SCOC: variants seen among roughly 807,000 people sequenced by gnomAD.
The protein encoded by SCOC is short coiled-coil protein, also known as short coiled coil protein.
In SCOC, 7 loss-of-function variants were observed where a neutral mutation model predicts 9.9. That is an observed-to-expected ratio of 0.71 (90% CI 0.40 to 1.33). The LOEUF is 1.33. SCOC is among the 40% of genes most tolerant of loss of function. SCOC has a pLI of 0.01. For missense variants in SCOC, 66 were observed against 89.7 expected, an observed-to-expected ratio of 0.74 and a Z score of 1.07; for synonymous variants, 19 against 28.2, an observed-to-expected ratio of 0.67 and a Z score of 1.03.
chr4:140,297,272 G>GGA (rs1560689004), intron 1 of SCOC, among the ~76,000 whole-genome samples: 1 of 117,212 alleles, frequency 8.5e-6, no homozygotes, highest in African/African-American at 4.0e-5. Context: ...GTGACTGTGG[G>GGA]GGGGGGGGCA....
chr4:140,299,672 C>T (rs191222152), intron 1 of SCOC, among the ~76,000 whole-genome samples: 14 of 152,220 alleles, frequency 9.2e-5, no homozygotes, highest in African/African-American at 2.2e-4. Flanking sequence ...AGAATTGTAA[C>T]GTCGTTTGTC....
chr4:140,296,458 G>T (rs1201909871), intron 1 of SCOC, among the ~76,000 whole-genome samples: 2 of 152,152 alleles, frequency 1.3e-5, no homozygotes, highest in Non-Finnish European at 2.9e-5. Context: ...CGCCGTGCAT[G>T]ATTTATTTCC....
At chr4:140,326,591 T>C (rs1732653301) in intron 1 of SCOC, among the ~76,000 whole-genome samples, 2 of 152,154 alleles carry the variant, frequency 1.3e-5, no homozygotes, top group Admixed American at 1.3e-4. Flanking sequence ...TTTGTCTCCC[T>C]CTGTAGGCCC....
At chr4:140,333,986 T>C (rs889346334) in intron 1 of SCOC, among the ~76,000 whole-genome samples, 1 of 152,170 alleles carries the variant, frequency 6.6e-6, no homozygotes, top group Admixed American at 6.5e-5. Flanking sequence ...GGTGTGATCA[T>C]AGCTCACTGC....
chr4:140,262,963 C>G (rs776491764), intron 1 of SCOC, among the ~76,000 whole-genome samples: 2 of 152,058 alleles, frequency 1.3e-5, no homozygotes, highest in African/African-American at 2.4e-5. Flanking sequence ...CCTGCCAGGC[C>G]CCCCCTCCAA....
chr4:140,357,075 T>C (rs1727263008), intron 2 of SCOC, among the ~76,000 whole-genome samples: 1 of 152,124 alleles, frequency 6.6e-6, no homozygotes, highest in Non-Finnish European at 1.5e-5. Context: ...GTTCAAGCGA[T>C]TTTCCTGCCT....
chr4:140,384,327 T>C lies in SCOC; in HGVS notation c.*3223T>C, dbSNP rs946041891. On this transcript the variant is annotated 3_prime_UTR_variant, in exon 4 of 4. Transcript: ENST00000608372. ...CAGGATAATTTCTTCATTAGAAATA[T>C]AGGTGGTACACAGTGTGCACAGGGA... is the stretch of plus-strand genomic sequence containing the variant. The C allele has an allele frequency of 6.6e-6, 1 of 152,228 alleles. No individual in the cohort carries two copies. Among genetic ancestry groups the C allele is most frequent in the Non-Finnish European group, 1.5e-5 (1 of 68,044 alleles). 9.4% of individuals were successfully genotyped at this position (152,228 alleles called of 1,614,324 possible).
At chr4:140,311,297 A>G (rs1343878379) in intron 1 of SCOC, among the ~76,000 whole-genome samples, 1 of 152,174 alleles carries the variant, frequency 6.6e-6, no homozygotes, top group Non-Finnish European at 1.5e-5. Context: ...GTTTCTCAGT[A>G]GCACTTGTGA....
chr4:140,364,979 TAGAG>T (rs757554714), intron 2 of SCOC, among the ~76,000 whole-genome samples: 7 of 152,050 alleles, frequency 4.6e-5, no homozygotes, highest in East Asian at 1.9e-4. Context: ...AGAATTCTGA[TAGAG>T]AGAGCATCAT....
chr4:140,381,145 A>C lies in SCOC; in HGVS notation c.*41A>C. 2 of 1,539,386 alleles carry C rather than the reference A, an allele frequency of 1.3e-6. No individual in the cohort carries two copies. The highest frequency in any genetic ancestry group is 1.7e-6 in the Non-Finnish European group (2 of 1,153,370). On this transcript the variant is annotated 3_prime_UTR_variant, in exon 4 of 4. Coordinates refer to ENST00000608372, the MANE Select transcript of SCOC (RefSeq NM_001153484.2). ...CTGTTTTATGGAATTGCTGCTGATC[A>C]TTTTTTCTTTAAAACTTGGATAGAT...
chr4:140,268,020 A>G (rs1220765305), intron 1 of SCOC, among the ~76,000 whole-genome samples: 1 of 152,230 alleles, frequency 6.6e-6, no homozygotes, highest in African/African-American at 2.4e-5. Flanking sequence ...ACAGTCCAGT[A>G]TGTGGCTTAC....
intron 1 of SCOC, among the ~76,000 whole-genome samples, chr4:140,279,585 T>C (rs1039795137): frequency 6.6e-6 from 1 of 152,224 alleles, no homozygotes; most frequent in Non-Finnish European, 1.5e-5. Context: ...TTCTTGTGAC[T>C]TTCTGGAAGA....
rs1262613913 is a variant in SCOC, at chr4:140,338,066, T to A, written c.-18-5555T>A. ...AATCCTCAATAAAATACTGCCAAACTGAATCCAGCAGCACATCAAAAAGCT... is the reference window on the plus strand; with the variant it reads ...AATCCTCAATAAAATACTGCCAAACAGAATCCAGCAGCACATCAAAAAGCT... On this transcript the variant is annotated intron_variant, in intron 1 of 4. Transcript: ENST00000394205. Among the ~76,000 whole-genome samples the A allele has an allele frequency of 2.0e-5, 3 of 152,248 alleles. No individual in the cohort carries two copies. In the South Asian group the frequency reaches 6.2e-4, roughly 32 times the overall value.
intron 1 of SCOC, among the ~76,000 whole-genome samples, chr4:140,261,132 G>A (rs1730623720): frequency 6.6e-6 from 1 of 152,210 alleles, no homozygotes; most frequent in African/African-American, 2.4e-5. Flanking sequence ...GTGAAAAACT[G>A]TGATAATGGT....
In SCOC at chr4:140,287,268, CAT is replaced by C. The variant is rs534971500; in HGVS notation, c.-19+29859_-19+29860del. Among the ~76,000 whole-genome samples, 22 of 151,214 alleles carry C rather than the reference CAT, an allele frequency of 1.5e-4. No individual in the cohort carries two copies. In the South Asian group the frequency reaches 3.7e-3, roughly 26 times the overall value. ...GTACACACATGCTAAATGCGCAAAT[CAT>C]GTGCACATGCCACACAGACCATGCA... On this transcript the variant is annotated intron_variant, in intron 1 of 4. Transcript: ENST00000394205.
At chr4:140,349,710 G>A (rs1726895438) in intron 2 of SCOC, among the ~76,000 whole-genome samples, 1 of 152,092 alleles carries the variant, frequency 6.6e-6, no homozygotes, top group East Asian at 1.9e-4. Flanking sequence ...CTTGACCTTG[G>A]AAATGTTTCT....
intron 1 of SCOC, among the ~76,000 whole-genome samples, chr4:140,334,029 T>G (rs1350455713): frequency 6.6e-6 from 1 of 152,114 alleles, no homozygotes; most frequent in African/African-American, 2.4e-5. Context: ...GTGATCCTCC[T>G]ACCTCAGCCT....
At chr4:140,366,452 G>T (rs772956358) in intron 2 of SCOC, 2 of 1,522,742 alleles carry the variant, frequency 1.3e-6, no homozygotes, top group Non-Finnish European at 9.0e-7. Flanking sequence ...TTTTTTGGGA[G>T]AAGCTTTTGG....
chr4:140,257,661 G>C (rs544460863), intron 1 of SCOC, among the ~76,000 whole-genome samples: 1 of 152,128 alleles, frequency 6.6e-6, no homozygotes, highest in African/African-American at 2.4e-5. Context: ...AGTCTTCTTT[G>C]GGGATAATAA....
Sources: gnomAD v4.1 joint callset for allele counts (sites outside exome capture counted in the v4.1 genomes callset) on GRCh38, gnomAD v4.1.1 for gene constraint, MANE v1.5 for transcripts, NCBI Gene and HGNC (gene_info 2026-07-23, HGNC 2026-07-21) for gene names.